AMOTL1: variants seen among roughly 807,000 people sequenced by gnomAD.
The protein encoded by AMOTL1 is angiomotin like 1.
Under a neutral mutation model 102.9 loss-of-function variants are expected in AMOTL1, and 45 were observed. That is an observed-to-expected ratio of 0.44 (90% CI 0.34 to 0.56). AMOTL1 has a LOEUF of 0.56. Among genes scored for constraint, AMOTL1 ranks in the 20% least tolerant of loss-of-function variants. AMOTL1 has a pLI of 0.01. For missense variants in AMOTL1, 1,114 were observed against 1,225.6 expected (o/e 0.91, Z 1.36); for synonymous variants, 481 against 484.7 (o/e 0.99, Z 0.10).
chr11:94,844,000 C>T (rs1187950485), intron 6 of AMOTL1, among the ~76,000 whole-genome samples: 2 of 152,138 alleles, frequency 1.3e-5, no homozygotes, highest in South Asian at 2.1e-4. Flanking sequence ...TCTCCCTACT[C>T]GGCCTCTCCT....
chr11:94,719,242 A>G (rs1950140206), intron 1 of AMOTL1, among the ~76,000 whole-genome samples: 1 of 152,054 alleles, frequency 6.6e-6, no homozygotes. Flanking sequence ...CAGTAATAAG[A>G]TCACACTGTT....
At chr11:94,846,517 G>A (rs561254819) in intron 6 of AMOTL1, among the ~76,000 whole-genome samples, 1 of 152,352 alleles carries the variant, frequency 6.6e-6, no homozygotes, top group African/African-American at 2.4e-5. Context: ...AGAGCTGGGT[G>A]TGAACCCAGG....
intron 1 of AMOTL1, among the ~76,000 whole-genome samples, chr11:94,714,452 A>T (rs1406347267): frequency 6.6e-6 from 1 of 152,088 alleles, no homozygotes; most frequent in Non-Finnish European, 1.5e-5. Flanking sequence ...ATAGTGTGAA[A>T]TTGGTGTTAA....
At chr11:94,833,709 G>T (rs944920875) in intron 6 of AMOTL1, among the ~76,000 whole-genome samples, 2 of 152,222 alleles carry the variant, frequency 1.3e-5, no homozygotes, top group African/African-American at 4.8e-5. Context: ...TAGAGGCAAG[G>T]AGACTAGTTA....
intron 5 of AMOTL1, 94 bp downstream of exon 5, chr11:94,830,288 T>TACTG: frequency 8.3e-7 from 1 of 1,208,814 alleles, no homozygotes; most frequent in Non-Finnish European, 1.1e-6. Context: ...TTGCCACAGG[T>TACTG]ACTGGTCTAC....
intron 6 of AMOTL1, among the ~76,000 whole-genome samples, chr11:94,832,482 TA>T (rs1247656076): frequency 6.6e-6 from 1 of 152,242 alleles, no homozygotes; most frequent in Non-Finnish European, 1.5e-5. Flanking sequence ...CCAGATTGAT[TA>T]ATTATTGCAT....
intron 3 of AMOTL1, among the ~76,000 whole-genome samples, chr11:94,806,342 C>T (rs1200571804): frequency 6.6e-6 from 1 of 152,214 alleles, no homozygotes; most frequent in African/African-American, 2.4e-5. Flanking sequence ...TCCTGTCTTA[C>T]TTTGTGTTGG....
At chr11:94,742,891 G>A (rs1279594869) in intron 3 of AMOTL1, among the ~76,000 whole-genome samples, 2 of 152,092 alleles carry the variant, frequency 1.3e-5, no homozygotes, top group South Asian at 2.1e-4. Context: ...GAGCTCTTGC[G>A]GTCTCTTTTC....
At chr11:94,804,665 G>C (rs1395583583) in intron 3 of AMOTL1, among the ~76,000 whole-genome samples, 1 of 152,176 alleles carries the variant, frequency 6.6e-6, no homozygotes, top group Non-Finnish European at 1.5e-5. Flanking sequence ...AGTATGTTTT[G>C]CTATTTAGAC....
At chr11:94,716,992 T>C (rs1052345222) in intron 1 of AMOTL1, among the ~76,000 whole-genome samples, 1 of 152,064 alleles carries the variant, frequency 6.6e-6, no homozygotes, top group African/African-American at 2.4e-5. Context: ...TCCCTGCCTC[T>C]GGCCAGAGCC....
intron 11 of AMOTL1, among the ~76,000 whole-genome samples, chr11:94,868,501 G>T (rs183681129): frequency 6.4e-4 from 96 of 151,114 alleles, no homozygotes; most frequent in Non-Finnish European, 9.5e-4. Context: ...CTTGAGGAAG[G>T]GGGTAAGGAG....
chr11:94,778,132 A>G (rs1232601466), intron 1 of AMOTL1, among the ~76,000 whole-genome samples: 1 of 152,224 alleles, frequency 6.6e-6, no homozygotes, highest in East Asian at 1.9e-4. Flanking sequence ...TCACTTTGAA[A>G]TGAGCTTAAA....
At chr11:94,767,105 A>G (rs1365766914), upstream of AMOTL1, among the ~76,000 whole-genome samples, 1 of 151,898 alleles carries the variant, frequency 6.6e-6, no homozygotes, top group East Asian at 1.9e-4. Flanking sequence ...CAGTACTTGG[A>G]TCTCCTGCTT....
chr11:94,827,113 A>G (rs115071302), intron 4 of AMOTL1, among the ~76,000 whole-genome samples: 1 of 152,364 alleles, frequency 6.6e-6, no homozygotes, highest in African/African-American at 2.4e-5. Flanking sequence ...TGTCATGGGC[A>G]AGGCATAGTT....
intron 6 of AMOTL1, among the ~76,000 whole-genome samples, chr11:94,834,464 G>A (rs899369024): frequency 2.0e-5 from 3 of 152,126 alleles, no homozygotes; most frequent in African/African-American, 4.8e-5. Flanking sequence ...GTGGGCGCCT[G>A]TAGTCCCAGC....
intron 1 of AMOTL1, among the ~76,000 whole-genome samples, chr11:94,778,304 T>G (rs1486034889): frequency 2.0e-5 from 3 of 152,152 alleles, no homozygotes; most frequent in African/African-American, 7.2e-5. Context: ...AAATATGATG[T>G]AATGTCCTGC....
chr11:94,812,360 T>C (rs1308679185), intron 3 of AMOTL1, among the ~76,000 whole-genome samples: 2 of 152,158 alleles, frequency 1.3e-5, no homozygotes, highest in African/African-American at 4.8e-5. Context: ...GGCTTCCACA[T>C]TATGGGTAGA....
intron 9 of AMOTL1, among the ~76,000 whole-genome samples, chr11:94,862,739 C>G (rs1303173180): frequency 1.3e-5 from 2 of 152,174 alleles, no homozygotes; most frequent in Admixed American, 1.3e-4. Context: ...CATGTAAAGT[C>G]TCCAAAAGTA....
In AMOTL1 at chr11:94,800,009, T is replaced by C. The variant is rs761897793; in HGVS notation, c.819T>C (p.Asn273=). The change falls in exon 3 of 13, where the codon AAT becomes AAC. Residue 273 remains asparagine (N), a synonymous_variant. Transcript: ENST00000433060. ...ERIMQLSLER[N]GAKQHLPGSG... ...TCATGCAGCTGTCCCTGGAGAGGAA[T>C]GGGGCCAAGCAACACCTTCCCGGCT... 1.2e-6 allele frequency: 2 copies of C among 1,613,958 alleles called. No homozygotes were observed. Among genetic ancestry groups the C allele is most frequent in the Non-Finnish European group, 1.7e-6 (2 of 1,179,870 alleles).
Sources: allele counts gnomAD v4.1 joint callset (sites outside exome capture counted in the v4.1 genomes callset), GRCh38; gene constraint gnomAD v4.1.1; transcripts MANE v1.5; gene names NCBI Gene and HGNC (gene_info 2026-07-23, HGNC 2026-07-21).